Variants in NR3C1 observed in about 807,000 individuals in gnomAD.
NR3C1 encodes nuclear receptor subfamily 3 group C member 1.
Under a neutral mutation model 74.0 loss-of-function variants are expected in NR3C1, and 14 were observed. The ratio of observed to expected loss-of-function variants is 0.19; its 90% CI spans 0.12 to 0.30. The LOEUF is 0.30. Among genes scored for constraint, NR3C1 ranks in the 10% least tolerant of loss-of-function variants. NR3C1 has a pLI of 1.00. For missense variants in NR3C1, 695 were observed against 909.8 expected, an observed-to-expected ratio of 0.76 and a Z score of 3.04; for synonymous variants, 308 against 332.5, an observed-to-expected ratio of 0.93 and a Z score of 0.80.
At position 143,281,119 on chromosome 5, in the gene NR3C1, C is replaced by CTTTTTTTTT. The variant is rs34248080; in HGVS notation, c.*761_*769dup. The CTTTTTTTTT allele has an allele frequency of 8.3e-6, 1 of 120,042 alleles. No homozygotes were observed. Among genetic ancestry groups the CTTTTTTTTT allele is most frequent in the Non-Finnish European group, 1.7e-5 (1 of 58,102 alleles). The allele number at this position is 120,042 out of a possible 1,614,324, so 7.4% of individuals were successfully genotyped here. ...GAAGCAGATATATACAAAATATGAG[C>CTTTTTTTTT]TTTTTTTTTTTTTTTTTTGACAAGA... On this transcript the variant is annotated 3_prime_UTR_variant, in exon 9 of 9. Transcript: ENST00000394464.
In NR3C1 at chr5:143,281,479, A is replaced by T. The variant is rs1312404939; in HGVS notation, c.*410T>A. On this transcript the variant is annotated 3_prime_UTR_variant, in exon 9 of 9. Coordinates refer to ENST00000394464, the MANE Select transcript of NR3C1 (RefSeq NM_000176.3). ...ATCAAAAATGCTATCCTAACTATAC[A>T]GGGGGGGGATACACCAACAGAAAGT... 4.7e-6 allele frequency: 1 copy of T among 212,496 alleles called. No homozygotes were observed. The allele number at this position is 212,496 out of a possible 1,614,324, so 13.2% of individuals were successfully genotyped here. A position where few individuals can be genotyped will look rare whatever the true frequency, so the allele number is the denominator to read the frequency against.
At chr5:143,373,243 T>A (rs1390556757) in intron 2 of NR3C1, among the ~76,000 whole-genome samples, 3 of 152,154 alleles carry the variant, frequency 2.0e-5, no homozygotes, top group African/African-American at 7.2e-5. Flanking sequence ...AAAACTCTTA[T>A]AAATGTGTTT....
chr5:143,405,529 A>G (rs1206388167), upstream of NR3C1, among the ~76,000 whole-genome samples: 2 of 152,158 alleles, frequency 1.3e-5, no homozygotes, highest in Non-Finnish European at 2.9e-5. Context: ...TCTCAAGGGT[A>G]AACGGTTCCC....
chr5:143,358,083 T>C (rs1255177348), intron 2 of NR3C1, among the ~76,000 whole-genome samples: 1 of 152,240 alleles, frequency 6.6e-6, no homozygotes, highest in Non-Finnish European at 1.5e-5. Flanking sequence ...TACTACTGAA[T>C]AGGAAGTTTA....
upstream of NR3C1, chr5:143,405,439 AG>A: frequency 1.2e-6 from 1 of 804,748 alleles, no homozygotes; most frequent in East Asian, 1.3e-4. Flanking sequence ...GGTAGGGTAC[AG>A]TGTCGCCAGC....
chr5:143,408,198 T>G (rs1395621816), upstream of NR3C1, among the ~76,000 whole-genome samples: 2 of 152,158 alleles, frequency 1.3e-5, no homozygotes, highest in Non-Finnish European at 2.9e-5. Flanking sequence ...AGTGTAGCAG[T>G]TAAAAGCCAG....
intron 2 of NR3C1, among the ~76,000 whole-genome samples, chr5:143,370,062 G>A (rs1041372715): frequency 6.6e-6 from 1 of 152,140 alleles, no homozygotes; most frequent in African/African-American, 2.4e-5. Context: ...ATTGGAATCT[G>A]GCTCTTTCCA....
intron 3 of NR3C1, among the ~76,000 whole-genome samples, 167 bp from the exon 4 acceptor site, chr5:143,310,380 A>G (rs965015887): frequency 5.3e-5 from 8 of 152,222 alleles, no homozygotes; most frequent in African/African-American, 1.7e-4. Context: ...GAGGTCAAAA[A>G]CAACAAAAAG....
intron 2 of NR3C1, among the ~76,000 whole-genome samples, chr5:143,385,903 C>G (rs954111790): frequency 6.6e-6 from 1 of 152,158 alleles, no homozygotes; most frequent in Non-Finnish European, 1.5e-5. Flanking sequence ...ATAGCAATGC[C>G]CCACTGTCCT....
Position 143,282,458 on chromosome 5 carries a change from A to G in NR3C1, c.2181+110T>C, listed in dbSNP as rs1813306949. The G allele has an allele frequency of 8.0e-6, 10 of 1,247,876 alleles. No individual in the cohort carries two copies. The East Asian group carries it at 2.3e-4, about 29-fold the overall frequency. The allele number at this position is 1,247,876 out of a possible 1,614,324, so 77.3% of individuals were successfully genotyped here. On this transcript the variant is annotated intron_variant, in intron 8 of 8. Coordinates refer to ENST00000394464, the MANE Select transcript of NR3C1 (RefSeq NM_000176.3). ...TGAACTCAAGCTATCACCAACATCC[A>G]CAAACTGGGGGCGGGGGTGGGGGCG...
At chr5:143,383,507 T>C (rs944960953) in intron 2 of NR3C1, among the ~76,000 whole-genome samples, 4 of 152,246 alleles carry the variant, frequency 2.6e-5, no homozygotes, top group East Asian at 1.9e-4. Context: ...GTACCTACTA[T>C]GTGCTAATGA....
chr5:143,303,152 C>G (rs1368604540), intron 4 of NR3C1, among the ~76,000 whole-genome samples: 4 of 149,088 alleles, frequency 2.7e-5, no homozygotes, highest in Non-Finnish European at 5.9e-5. Flanking sequence ...ATTACAAGCA[C>G]CTCTATGCAC....
At chr5:143,360,211 C>A (rs1413103720) in intron 2 of NR3C1, among the ~76,000 whole-genome samples, 3 of 152,158 alleles carry the variant, frequency 2.0e-5, no homozygotes, top group Non-Finnish European at 4.4e-5. Context: ...TTTTTCATAG[C>A]ACAGTATTTG....
intron 7 of NR3C1, among the ~76,000 whole-genome samples, chr5:143,292,657 C>T (rs539040382): frequency 4.6e-5 from 7 of 152,284 alleles, no homozygotes; most frequent in African/African-American, 1.4e-4. Context: ...TTGCAGGAAA[C>T]CCCCACTAAG....
chr5:143,425,773 C>T (rs1333107187), intron 1 of NR3C1, among the ~76,000 whole-genome samples: 3 of 152,026 alleles, frequency 2.0e-5, no homozygotes, highest in East Asian at 1.9e-4. Flanking sequence ...ACATTGCCAG[C>T]GAAATTATAA....
rs764704269 is a variant in NR3C1, at chr5:143,400,369, T to C, written c.471A>G (p.Pro157=). The change falls in exon 2 of 9, where the codon CCA becomes CCG. Residue 157 remains proline (P), a synonymous_variant. Transcript: ENST00000394464. Reference sequence around the variant, plus strand: ...CTGAAGATACATCAGAGTGAGTTTTTGGAAACTCCTTCTCTGTGGGGGCAG... The same window carrying C: ...CTGAAGATACATCAGAGTGAGTTTTCGGAAACTCCTTCTCTGTGGGGGCAG... ...VSAAPTEKEF[P]KTHSDVSSEQ... 27 of 1,614,044 alleles carry C rather than the reference T, an allele frequency of 1.7e-5. No homozygotes were observed. Among genetic ancestry groups the C allele is most frequent in the Non-Finnish European group, 2.3e-5 (27 of 1,180,036 alleles).
chr5:143,349,942 G>A (rs1420154413), intron 2 of NR3C1, among the ~76,000 whole-genome samples: 1 of 152,150 alleles, frequency 6.6e-6, no homozygotes, highest in Non-Finnish European at 1.5e-5. Context: ...ATGACAATGT[G>A]ATATTCAGCT....
intron 2 of NR3C1, among the ~76,000 whole-genome samples, chr5:143,365,778 T>C (rs931683832): frequency 6.6e-6 from 1 of 152,204 alleles, no homozygotes; most frequent in African/African-American, 2.4e-5. Flanking sequence ...AAATAAATTT[T>C]AAAAGATAGA....
At chr5:143,298,916 G>A in intron 5 of NR3C1, 104 bp from the exon 6 acceptor site, 1 of 1,165,558 alleles carries the variant, frequency 8.6e-7, no homozygotes, top group Non-Finnish European at 1.2e-6. Flanking sequence ...CAAAACAAGG[G>A]CACCCCTAAC....
Sources: gnomAD v4.1 joint callset for allele counts (sites outside exome capture counted in the v4.1 genomes callset) on GRCh38, gnomAD v4.1.1 for gene constraint, MANE v1.5 for transcripts, NCBI Gene and HGNC (gene_info 2026-07-23, HGNC 2026-07-21) for gene names.